Variants in MGST1 observed in about 807,000 individuals in gnomAD.
MGST1 encodes the protein microsomal glutathione S-transferase 1.
Under a neutral mutation model 8.9 loss-of-function variants are expected in MGST1, and 5 were observed. The observed-to-expected ratio is 0.56, with a 90% CI of 0.29 to 1.19. The LOEUF is 1.19. Among genes scored for constraint, MGST1 ranks in the 50% most tolerant of loss-of-function variants. The probability of loss-of-function intolerance (pLI) is 0.08; values close to 1 mark genes in which losing one functional copy is unlikely to be tolerated. For missense variants in MGST1, 182 were observed against 187.4 expected, an observed-to-expected ratio of 0.97 and a Z score of 0.17; for synonymous variants, 54 against 67.8, an observed-to-expected ratio of 0.80 and a Z score of 1.00.
In MGST1 at chr12:16,587,794, G is replaced by A. The variant is rs1437345418; in HGVS notation, n.483-1734G>A. ...CATTTATCTGTCTAAAAATCTCACT[G>A]TGTCCTGAATGGGGGGTTTCAGGGG... On this transcript the variant is annotated intron_variant and non_coding_transcript_variant, in intron 4 of 4. Transcript: ENST00000538857. The surrounding 1 kb of genome is among the most constrained non-coding windows in gnomAD (Gnocchi z 4.3). 6.6e-6 allele frequency among the ~76,000 whole-genome samples: 1 copy of A among 152,024 alleles called. No homozygotes were observed. The highest frequency in any genetic ancestry group is 1.5e-5 in the Non-Finnish European group (1 of 68,006).
intron 4 of MGST1, among the ~76,000 whole-genome samples, chr12:16,525,825 TG>T (rs1199157548): frequency 6.6e-6 from 1 of 151,558 alleles, no homozygotes; most frequent in African/African-American, 2.4e-5. Flanking sequence ...GACTTTTTAA[TG>T]ATTGCCATTC....
In MGST1 at chr12:16,510,306, G is replaced by A. The variant is rs114999977; in HGVS notation, n.483-79222G>A. Among the ~76,000 whole-genome samples, 723 of 152,118 alleles carry A rather than the reference G, an allele frequency of 4.8e-3. 6 individuals are homozygous for A. The highest frequency in any genetic ancestry group is 0.016 in the African/African-American group (678 of 41,506). On this transcript the variant is annotated intron_variant and non_coding_transcript_variant, in intron 4 of 4. Transcript: ENST00000538857. ...AAGGGAAAGAGAGAGAACCGAAGAA[G>A]GGAAGGGAAGAAAGAAGAGATGAAA...
intron 4 of MGST1, among the ~76,000 whole-genome samples, chr12:16,519,396 A>G (rs2137188023): frequency 6.6e-6 from 1 of 152,310 alleles, no homozygotes; most frequent in Non-Finnish European, 1.5e-5. Flanking sequence ...AAAGACAGCT[A>G]TCTTGAGAGG....
At position 16,560,811 on chromosome 12, in the gene MGST1, T is replaced by TG. The variant is rs1942374906; in HGVS notation, n.483-28712dup. ...GTAACTGCACATAAACAGAAGTCAA[T>TG]GGGGGTGAATTCATAGCAAAAATCT... On this transcript the variant is annotated intron_variant and non_coding_transcript_variant, in intron 4 of 4. Transcript: ENST00000538857. This position sits in a 1 kb window ranked among gnomAD's most constrained non-coding sequence, Gnocchi z 5.0. 1 of 463,626 alleles carries TG rather than the reference T, an allele frequency of 2.2e-6. No homozygotes were observed. The highest frequency in any genetic ancestry group is 2.0e-5 in the African/African-American group (1 of 49,596). 28.7% of individuals were successfully genotyped at this position (463,626 alleles called of 1,614,324 possible).
Position 16,500,844 on chromosome 12 carries a change from G to A in MGST1, n.483-88684G>A, listed in dbSNP as rs748002406. 1.3e-5 allele frequency among the ~76,000 whole-genome samples: 2 copies of A among 152,108 alleles called. No homozygotes were observed. The highest frequency in any genetic ancestry group is 2.4e-5 in the African/African-American group (1 of 41,438). ...TTAGAGGTTGGGCGTGGTGGCTCAC[G>A]CCTGTAATCCCAGCACTTTGGGAGA... On this transcript the variant is annotated intron_variant and non_coding_transcript_variant, in intron 4 of 4. Coordinates refer to the MGST1 transcript ENST00000538857. The surrounding 1 kb of genome is among the most constrained non-coding windows in gnomAD (Gnocchi z 4.3).
intron 2 of MGST1, among the ~76,000 whole-genome samples, chr12:16,355,428 C>G (rs2136943556): frequency 6.6e-6 from 1 of 152,200 alleles, no homozygotes; most frequent in African/African-American, 2.4e-5. Context: ...AGGCTGGTCT[C>G]AAACTCCTGA....
At chr12:16,360,992 C>T (rs576390161) in intron 3 of MGST1, among the ~76,000 whole-genome samples, 61 of 151,906 alleles carry the variant, frequency 4.0e-4, no homozygotes, top group South Asian at 1.0e-3. Flanking sequence ...CCCCCCTCCC[C>T]GCCCCCAAAA....
chr12:16,444,677 G>A (rs1941065705), intron 4 of MGST1, among the ~76,000 whole-genome samples: 1 of 151,904 alleles, frequency 6.6e-6, no homozygotes, highest in Non-Finnish European at 1.5e-5. Context: ...AGCTGAAGGG[G>A]GAGTGCTGGT....
chr12:16,507,342 A>G (rs1941544603), intron 4 of MGST1, among the ~76,000 whole-genome samples: 1 of 152,094 alleles, frequency 6.6e-6, no homozygotes, highest in South Asian at 2.1e-4. Context: ...AGAGGCTTTG[A>G]ATGTCTTGCT....
At position 16,394,536 on chromosome 12, in the gene MGST1, TTCTTTCTTTC is replaced by T. The variant is rs1176370901; in HGVS notation, n.778+10934_778+10943del. On this transcript the variant is annotated intron_variant and non_coding_transcript_variant, in intron 1 of 1. Transcript: ENST00000359720. ...TCCCTTTCTTTCTTTCTTTCTTTCT[TTCTTTCTTTC>T]TTTCTTTCTTTCTTTCTTTCTTTCT... 9.6e-4 allele frequency among the ~76,000 whole-genome samples: 71 copies of T among 73,818 alleles called. 1 individual carries two copies. The highest frequency in any genetic ancestry group is 1.5e-3 in the East Asian group (2 of 1,364). The allele number at this position is 73,818 out of a possible 152,430, so 48.4% of individuals were successfully genotyped here.
Position 16,466,525 on chromosome 12 carries a change from A to G in MGST1, n.482+82921A>G, listed in dbSNP as rs547176052. On this transcript the variant is annotated intron_variant and non_coding_transcript_variant, in intron 4 of 4. Coordinates refer to the MGST1 transcript ENST00000538857. ...TTAGATTTAAAACCTTGATTTAATG[A>G]AAGTGTTGATACCACACTGAAGAAA... 1.6e-4 allele frequency among the ~76,000 whole-genome samples: 25 copies of G among 152,348 alleles called. No individual in the cohort carries two copies. The East Asian group carries it at 4.6e-3, about 28-fold the overall frequency.
chr12:16,422,794 C>T (rs928804394), intron 1 of MGST1, among the ~76,000 whole-genome samples: 1 of 152,192 alleles, frequency 6.6e-6, no homozygotes, highest in Non-Finnish European at 1.5e-5. Flanking sequence ...TATCCAATCC[C>T]TCACAAATTA....
At position 16,434,557 on chromosome 12, in the gene MGST1, G is replaced by A. The variant is rs762331575; in HGVS notation, n.779-2831G>A. Among the ~76,000 whole-genome samples the A allele has an allele frequency of 5.9e-5, 9 of 151,770 alleles. 1 individual carries two copies. Among genetic ancestry groups the A allele is most frequent in the Non-Finnish European group, 1.3e-4 (9 of 67,902 alleles). On this transcript the variant is annotated intron_variant and non_coding_transcript_variant, in intron 1 of 1. Transcript: ENST00000359720. ...CTCTTAGGAAATTATACTATGACTT[G>A]GTAAGTCCCTAGATGATTCAAAGAT...
chr12:16,565,982 CCATATATA>C (rs1565488134), intron 4 of MGST1, among the ~76,000 whole-genome samples: 2 of 44,316 alleles, frequency 4.5e-5, no homozygotes, highest in East Asian at 9.7e-4. Flanking sequence ...AGAAAATGTG[CCATATATA>C]TATATATATA....
intron 4 of MGST1, among the ~76,000 whole-genome samples, chr12:16,536,440 A>G (rs1941757390): frequency 6.6e-6 from 1 of 152,180 alleles, no homozygotes; most frequent in Non-Finnish European, 1.5e-5. Context: ...TGGTTTTGAG[A>G]GAAGTAAAGA....
In MGST1 at chr12:16,482,572, A is replaced by G. The variant is rs921559873; in HGVS notation, n.482+98968A>G. 7.9e-5 allele frequency among the ~76,000 whole-genome samples: 12 copies of G among 151,980 alleles called. No homozygotes were observed. The highest frequency in any genetic ancestry group is 2.9e-4 in the African/African-American group (12 of 41,396). The stretch of plus-strand genomic sequence containing the variant: ...CTTGAAACTGGGAGGTGGAGATTGC[A>G]GTGAGCCAAGATCACGCCACTGCAC... On this transcript the variant is annotated intron_variant and non_coding_transcript_variant, in intron 4 of 4. Transcript: ENST00000538857. The surrounding 1 kb of genome is among the most constrained non-coding windows in gnomAD (Gnocchi z 4.2).
At chr12:16,381,155 G>A (rs1940450096), downstream of MGST1, among the ~76,000 whole-genome samples, 1 of 152,258 alleles carries the variant, frequency 6.6e-6, no homozygotes, top group Non-Finnish European at 1.5e-5. Flanking sequence ...AGTTAATATT[G>A]TTATGTGTGA....
chr12:16,414,462 C>T (rs1274404536), intron 1 of MGST1, among the ~76,000 whole-genome samples: 1 of 147,052 alleles, frequency 6.8e-6, no homozygotes, highest in African/African-American at 2.5e-5. Flanking sequence ...GTTGCCCAGG[C>T]TGGAGTGCAG....
intron 4 of MGST1, among the ~76,000 whole-genome samples, chr12:16,535,625 G>T (rs1243002248): frequency 6.6e-6 from 1 of 152,132 alleles, no homozygotes; most frequent in African/African-American, 2.4e-5. Flanking sequence ...TAGTAAAGTT[G>T]CAGTTTTCAT....
Sources: gnomAD v4.1 joint callset for allele counts (sites outside exome capture counted in the v4.1 genomes callset) on GRCh38, gnomAD v4.1.1 for gene constraint, Gnocchi (gnomAD v3.1) non-coding constraint, MANE v1.5 for transcripts, NCBI Gene and HGNC (gene_info 2026-07-23, HGNC 2026-07-21) for gene names.